Variants in FOXP1 observed in about 807,000 individuals in gnomAD.
FOXP1 encodes the protein forkhead box protein P1.
A neutral mutation model predicts 98.2 loss-of-function variants in FOXP1; 15 were observed. That is an observed-to-expected ratio of 0.15 (90% CI 0.10 to 0.24). The LOEUF (loss-of-function observed/expected upper bound fraction) is 0.24. FOXP1 is among the 10% of genes least tolerant of loss of function. The probability of loss-of-function intolerance (pLI) is 1.00; values close to 1 mark genes in which losing one functional copy is unlikely to be tolerated. For missense variants in FOXP1, 633 were observed against 848.5 expected (o/e 0.75, Z 3.15); for synonymous variants, 371 against 314.5 (o/e 1.18, Z -1.90).
chr3:71,006,233 C>G (rs2042792049), intron 12 of FOXP1, among the ~76,000 whole-genome samples: 1 of 151,988 alleles, frequency 6.6e-6, no homozygotes, highest in African/African-American at 2.4e-5. Context: ...AAAATGACAA[C>G]TAACTTAATC....
At chr3:71,455,708 C>T (rs774437334) in intron 3 of FOXP1, among the ~76,000 whole-genome samples, 30 of 151,978 alleles carry the variant, frequency 2.0e-4, no homozygotes, top group Non-Finnish European at 2.9e-4. Flanking sequence ...TTTGTTAATA[C>T]GAAGAGTCAA....
rs541183821 is a variant in FOXP1 at position 71,214,668 on chromosome 3, T to C, written c.-11-16276A>G. Among the ~76,000 whole-genome samples the C allele has an allele frequency of 5.9e-5, 9 of 152,268 alleles. 1 individual carries two copies. In the South Asian group the frequency reaches 1.7e-3, roughly 28 times the overall value. On this transcript the variant is annotated intron_variant, in intron 5 of 20. Transcript: ENST00000649528. The stretch of plus-strand genomic sequence containing the variant: ...TAAACGGAGACAACAGGGCTCCTAA[T>C]AACGAGCATGCTAAATACCTGAGTT...
chr3:70,959,489 G>T, intron 20 of FOXP1, 98 bp from the exon 21 acceptor site: 3 of 1,296,678 alleles, frequency 2.3e-6, no homozygotes, highest in Non-Finnish European at 3.3e-6. Flanking sequence ...CCGCACTCTA[G>T]AACTAGAACT....
chr3:71,124,328 A>AT (rs553574613), intron 6 of FOXP1, among the ~76,000 whole-genome samples: 52 of 147,334 alleles, frequency 3.5e-4, no homozygotes, highest in South Asian at 1.1e-3. Context: ...TATGCTTACA[A>AT]TTTTTTTTTT....
At chr3:71,043,222 C>T (rs1309077207) in intron 10 of FOXP1, among the ~76,000 whole-genome samples, 4 of 152,142 alleles carry the variant, frequency 2.6e-5, no homozygotes, top group Non-Finnish European at 5.9e-5. Context: ...GAGGCATCCT[C>T]GACAGACAAG....
At chr3:71,113,614 G>C (rs1270147882) in intron 6 of FOXP1, among the ~76,000 whole-genome samples, 1 of 151,992 alleles carries the variant, frequency 6.6e-6, no homozygotes, top group Non-Finnish European at 1.5e-5. Flanking sequence ...TTGGGAGGCT[G>C]AGGCAGGAGA....
At chr3:70,966,309 C>A in intron 19 of FOXP1, 1 of 515,988 alleles carries the variant, frequency 1.9e-6, no homozygotes, top group Admixed American at 3.1e-5. Flanking sequence ...TCAATTTGGT[C>A]CTGCTTGGTA....
chr3:71,288,878 T>C (rs2072452295), intron 5 of FOXP1, among the ~76,000 whole-genome samples: 1 of 152,154 alleles, frequency 6.6e-6, no homozygotes, highest in Non-Finnish European at 1.5e-5. Flanking sequence ...AGCCAGTAAA[T>C]ATGATAGGAG....
At chr3:70,971,047 C>T (rs1038924412) in intron 18 of FOXP1, 11 of 495,216 alleles carry the variant, frequency 2.2e-5, no homozygotes, top group Non-Finnish European at 2.2e-5. Flanking sequence ...TAGGTAGTAA[C>T]AGGCTTGGGT....
intron 3 of FOXP1, among the ~76,000 whole-genome samples, chr3:71,448,966 G>A: frequency 6.6e-6 from 1 of 152,114 alleles, no homozygotes; most frequent in East Asian, 1.9e-4. Flanking sequence ...TCAAACCCTA[G>A]CTCCAATGAA....
intron 7 of FOXP1, among the ~76,000 whole-genome samples, chr3:71,076,187 C>T (rs1452261293): frequency 2.0e-5 from 3 of 152,154 alleles, no homozygotes; most frequent in African/African-American, 4.8e-5. Flanking sequence ...CAATGTAGTC[C>T]CAGCCACCCT....
chr3:71,233,342 G>A (rs1410432010), intron 5 of FOXP1, among the ~76,000 whole-genome samples: 2 of 152,050 alleles, frequency 1.3e-5, no homozygotes, highest in East Asian at 1.9e-4. Context: ...AAAAAACTGA[G>A]GGAGCAGGAG....
At chr3:71,273,547 A>T (rs2070597058) in intron 5 of FOXP1, among the ~76,000 whole-genome samples, 1 of 152,198 alleles carries the variant, frequency 6.6e-6, no homozygotes, top group Non-Finnish European at 1.5e-5. Flanking sequence ...ATCCCCCTTC[A>T]GTCTTCCTTG....
intron 4 of FOXP1, chr3:71,332,852 G>A (rs2076423938): frequency 1.3e-5 from 2 of 152,312 alleles, no homozygotes; most frequent in African/African-American, 4.8e-5. Flanking sequence ...ACCTAGGTGG[G>A]AAGAAGCAGA....
At chr3:71,202,881 T>C (rs535454832) in intron 5 of FOXP1, among the ~76,000 whole-genome samples, 1 of 152,304 alleles carries the variant, frequency 6.6e-6, no homozygotes, top group Admixed American at 6.5e-5. Context: ...ATCAAGTCAA[T>C]ATATAGGAGA....
chr3:71,268,522 T>C (rs1215208225), intron 5 of FOXP1, among the ~76,000 whole-genome samples: 1 of 152,124 alleles, frequency 6.6e-6, no homozygotes, highest in Non-Finnish European at 1.5e-5. Context: ...GGGGCGATAC[T>C]GAGGGGAAAT....
chr3:71,136,755 A>G (rs114189774), intron 6 of FOXP1, among the ~76,000 whole-genome samples: 283 of 152,290 alleles, frequency 1.9e-3, no homozygotes, highest in African/African-American at 6.4e-3. Context: ...AGATTTTTGC[A>G]TACGCAATTG....
At chr3:71,489,172 C>A (rs994204797) in intron 3 of FOXP1, among the ~76,000 whole-genome samples, 1 of 152,152 alleles carries the variant, frequency 6.6e-6, no homozygotes, top group African/African-American at 2.4e-5. Flanking sequence ...AAGAAAGGAA[C>A]TCCCAGCCAA....
intron 5 of FOXP1, among the ~76,000 whole-genome samples, chr3:71,268,524 A>C (rs1289894171): frequency 2.0e-5 from 3 of 152,114 alleles, no homozygotes; most frequent in Non-Finnish European, 4.4e-5. Context: ...GGCGATACTG[A>C]GGGGAAATAA....
Sources: allele counts gnomAD v4.1 joint callset (sites outside exome capture counted in the v4.1 genomes callset), GRCh38; gene constraint gnomAD v4.1.1; transcripts MANE v1.5; gene names NCBI Gene and HGNC (gene_info 2026-07-23, HGNC 2026-07-21).